The following DIS3L2 variants were observed in gnomAD, a reference collection of about 807,000 sequenced individuals.
The protein encoded by DIS3L2 is DIS3 like 3'-5' exoribonuclease 2, also known as DIS3-like exonuclease 2.
Under a neutral mutation model 97.5 loss-of-function variants are expected in DIS3L2, and 34 were observed. That is an observed-to-expected ratio of 0.35 (90% CI 0.27 to 0.46). The LOEUF is 0.46. Among genes scored for constraint, DIS3L2 ranks in the 20% least tolerant of loss-of-function variants. The pLI is 1.00. For synonymous variants in DIS3L2, 435 were observed against 445.2 expected (o/e 0.98, Z 0.29); for missense variants, 1,038 against 1,146.0 (o/e 0.91, Z 1.36).
intron 10 of DIS3L2, among the ~76,000 whole-genome samples, chr2:232,220,063 A>G (rs1385889652): frequency 1.3e-5 from 2 of 151,998 alleles, no homozygotes; most frequent in African/African-American, 4.8e-5. Flanking sequence ...CTTAACGCCA[A>G]GAGTTCAAAA....
At chr2:232,111,234 T>C (rs1697521434) in intron 6 of DIS3L2, 1 of 471,152 alleles carries the variant, frequency 2.1e-6, no homozygotes, top group African/African-American at 2.0e-5. Flanking sequence ...CCTGGGCTTA[T>C]CCAGTATCCC....
In DIS3L2 at chr2:232,327,674, T is replaced by C. The variant is rs1254553050; in HGVS notation, c.1740-2139T>C. Among the ~76,000 whole-genome samples the C allele has an allele frequency of 2.0e-5, 3 of 152,336 alleles. No homozygotes were observed. In the South Asian group the frequency reaches 6.2e-4, roughly 32 times the overall value. On this transcript the variant is annotated intron_variant, in intron 14 of 20. Transcript: ENST00000325385. ...GTGAGCCTAGAACAGTCAGTGTTCATGTGGGGGACTGCAGCCTGCTTTTCA... is the reference window on the plus strand; with the variant it reads ...GTGAGCCTAGAACAGTCAGTGTTCACGTGGGGGACTGCAGCCTGCTTTTCA...
intron 10 of DIS3L2, among the ~76,000 whole-genome samples, chr2:232,230,579 TTCTA>T (rs1188368705): frequency 6.6e-6 from 1 of 152,172 alleles, no homozygotes; most frequent in Non-Finnish European, 1.5e-5. Flanking sequence ...CCAACATCTG[TTCTA>T]TCTGTCAAGG....
intron 10 of DIS3L2, among the ~76,000 whole-genome samples, chr2:232,233,614 T>C (rs1692855009): frequency 6.6e-6 from 1 of 152,240 alleles, no homozygotes; most frequent in Admixed American, 6.5e-5. Context: ...CTGTGACCAC[T>C]GTCCAGTCTC....
intron 15 of DIS3L2, among the ~76,000 whole-genome samples, chr2:232,330,384 T>A (rs992921596): frequency 2.0e-5 from 3 of 152,218 alleles, no homozygotes; most frequent in African/African-American, 7.2e-5. Flanking sequence ...ACCCAGGGCC[T>A]TGGCTGTGGT....
intron 1 of DIS3L2, among the ~76,000 whole-genome samples, chr2:231,978,004 G>C (rs1693148056): frequency 1.3e-5 from 2 of 152,172 alleles, no homozygotes; most frequent in Non-Finnish European, 2.9e-5. Context: ...CAGAAGAAAA[G>C]ATGAAAATCG....
chr2:232,249,477 A>T (rs541736664), intron 12 of DIS3L2, 131 bp downstream of exon 12: 1 of 986,968 alleles, frequency 1.0e-6, no homozygotes, highest in African/African-American at 1.6e-5. Flanking sequence ...AGTAGCCATC[A>T]TAGAGAAATG....
chr2:232,227,763 A>G lies in DIS3L2; in HGVS notation c.1205-10770A>G, dbSNP rs138730322. Among the ~76,000 whole-genome samples, 18 of 152,306 alleles carry G rather than the reference A, an allele frequency of 1.2e-4. No homozygotes were observed. The East Asian group carries it at 3.3e-3, about 28-fold the overall frequency. On this transcript the variant is annotated intron_variant, in intron 10 of 20. Transcript: ENST00000325385. ...AAAGCAGTGAGCTTTTGCCTTTCAG[A>G]ATTCTAGGTAAATATGAAAGTTGTT...
At chr2:232,119,948 C>T (rs1321322096) in intron 6 of DIS3L2, among the ~76,000 whole-genome samples, 1 of 152,140 alleles carries the variant, frequency 6.6e-6, no homozygotes, top group Admixed American at 6.6e-5. Flanking sequence ...TCTCTTATTC[C>T]TTGGGTATCA....
At chr2:232,299,386 A>C (rs115037107) in intron 13 of DIS3L2, among the ~76,000 whole-genome samples, 6 of 152,296 alleles carry the variant, frequency 3.9e-5, no homozygotes, top group African/African-American at 1.2e-4. Flanking sequence ...AAGGCCAAAA[A>C]TTCCAGTGTG....
chr2:232,098,355 AT>A (rs371321680), intron 6 of DIS3L2, among the ~76,000 whole-genome samples: 101 of 138,638 alleles, frequency 7.3e-4, no homozygotes, highest in East Asian at 3.1e-3. Flanking sequence ...GAGGTTTCTA[AT>A]TTTTTTTTTT....
chr2:232,271,906 A>G (rs1408130379), intron 13 of DIS3L2, among the ~76,000 whole-genome samples: 1 of 152,254 alleles, frequency 6.6e-6, no homozygotes, highest in East Asian at 1.9e-4. Flanking sequence ...AAAGCAATCC[A>G]TGGTTATGCA....
chr2:232,142,863 T>C (rs1048344920), intron 8 of DIS3L2, among the ~76,000 whole-genome samples: 8 of 152,186 alleles, frequency 5.3e-5, no homozygotes, highest in Non-Finnish European at 1.2e-4. Context: ...GTATAGTTGA[T>C]GTTTGATTGT....
chr2:232,281,454 G>A lies in DIS3L2; in HGVS notation c.1659+18014G>A, dbSNP rs1446723407. ...TTGAATTCAACTTGGTGCTGTTGAAGCATTTTACATATAGGAGTTGTGGGA... is the reference window on the plus strand; with the variant it reads ...TTGAATTCAACTTGGTGCTGTTGAAACATTTTACATATAGGAGTTGTGGGA... On this transcript the variant is annotated intron_variant, in intron 13 of 20. Transcript: ENST00000325385. This position sits in a 1 kb window ranked among gnomAD's most constrained non-coding sequence, Gnocchi z 4.1. 3.3e-5 allele frequency among the ~76,000 whole-genome samples: 5 copies of A among 152,192 alleles called. No individual in the cohort carries two copies.
At chr2:232,047,645 C>T (rs1695278119) in intron 5 of DIS3L2, among the ~76,000 whole-genome samples, 1 of 152,124 alleles carries the variant, frequency 6.6e-6, no homozygotes, top group African/African-American at 2.4e-5. Flanking sequence ...CAATGTTGTG[C>T]AGCCATCACA....
chr2:232,117,314 C>G (rs951927316), intron 6 of DIS3L2, among the ~76,000 whole-genome samples: 9 of 152,166 alleles, frequency 5.9e-5, no homozygotes, highest in African/African-American at 2.2e-4. Flanking sequence ...TTTTGCCAGT[C>G]ATTCTTACCT....
At chr2:231,986,932 G>T (rs1693429401) in intron 1 of DIS3L2, among the ~76,000 whole-genome samples, 1 of 152,202 alleles carries the variant, frequency 6.6e-6, no homozygotes, top group African/African-American at 2.4e-5. Flanking sequence ...TCCATTTTGT[G>T]ATGACTTCAG....
intron 8 of DIS3L2, among the ~76,000 whole-genome samples, chr2:232,143,858 C>A (rs1690141151): frequency 6.6e-6 from 1 of 151,952 alleles, no homozygotes; most frequent in Non-Finnish European, 1.5e-5. Flanking sequence ...CCAGAGGTAA[C>A]CACCATCTCA....
At chr2:232,282,361 GC>G (rs1359044042) in intron 13 of DIS3L2, among the ~76,000 whole-genome samples, 4 of 152,144 alleles carry the variant, frequency 2.6e-5, no homozygotes, top group Non-Finnish European at 5.9e-5. Flanking sequence ...CTGGTGCCAT[GC>G]AGAGGCACAG....
Sources: allele counts gnomAD v4.1 joint callset (sites outside exome capture counted in the v4.1 genomes callset), GRCh38; gene constraint gnomAD v4.1.1; non-coding constraint Gnocchi (gnomAD v3.1); transcripts MANE v1.5; gene names NCBI Gene and HGNC (gene_info 2026-07-23, HGNC 2026-07-21).